The following DTNA variants were observed in gnomAD, a reference collection of about 807,000 sequenced individuals.
The protein encoded by DTNA is dystrobrevin alpha, also known as dystrophin-related protein 3.
In DTNA, 43 loss-of-function variants were observed where a neutral mutation model predicts 100.7. That is an observed-to-expected ratio of 0.43 (90% CI 0.33 to 0.55). DTNA has a LOEUF of 0.55. Among genes scored for constraint, DTNA ranks in the 20% least tolerant of loss-of-function variants. The probability of loss-of-function intolerance (pLI) is 0.04; values close to 1 mark genes in which losing one functional copy is unlikely to be tolerated. For synonymous variants in DTNA, 349 were observed against 347.9 expected (o/e 1.00, Z -0.04); for missense variants, 798 against 953.9 (o/e 0.84, Z 2.15).
At chr18:34,517,460 C>CATGTGTGTGTGTGTGTGTGTGTGT (rs57616989) in intron 1 of DTNA, among the ~76,000 whole-genome samples, 6 of 148,884 alleles carry the variant, frequency 4.0e-5, no homozygotes, top group Admixed American at 3.4e-4. Flanking sequence ...TTTATATACA[C>CATGTGTGTGTGTGTGTGTGTGTGT]GTGTGTGTGT....
At chr18:34,624,653 C>T (rs1568051332) in intron 1 of DTNA, among the ~76,000 whole-genome samples, 1 of 152,124 alleles carries the variant, frequency 6.6e-6, no homozygotes, top group Non-Finnish European at 1.5e-5. Context: ...ACTTAATTAG[C>T]AAGTGCTGTT....
At chr18:34,821,356 TGTTTTTCA>T (rs1428637687) in intron 9 of DTNA, 9 of 424,010 alleles carry the variant, frequency 2.1e-5, no homozygotes, top group African/African-American at 1.8e-4. Context: ...AAATTACTTT[TGTTTTTCA>T]TCCCAAGCTG....
chr18:34,670,732 C>T (rs1247198862), intron 1 of DTNA, among the ~76,000 whole-genome samples: 2 of 152,202 alleles, frequency 1.3e-5, no homozygotes, highest in Non-Finnish European at 2.9e-5. Flanking sequence ...GGCTGCAGAA[C>T]AGCGGATATT....
At chr18:34,816,874 A>C (rs554284247) in intron 7 of DTNA, among the ~76,000 whole-genome samples, 1 of 152,318 alleles carries the variant, frequency 6.6e-6, no homozygotes, top group African/African-American at 2.4e-5. Flanking sequence ...GTTAGTTAGA[A>C]GTTATGAATT....
intron 1 of DTNA, among the ~76,000 whole-genome samples, chr18:34,752,060 C>A (rs1240190173): frequency 6.6e-6 from 1 of 152,098 alleles, no homozygotes; most frequent in Admixed American, 6.6e-5. Context: ...TTCTTTTCAC[C>A]TTTTTGACAT....
At chr18:34,521,001 C>T (rs566077109) in intron 1 of DTNA, among the ~76,000 whole-genome samples, 1 of 152,298 alleles carries the variant, frequency 6.6e-6, no homozygotes, top group Non-Finnish European at 1.5e-5. Flanking sequence ...AAAGCCATCA[C>T]TTATTGAGCA....
At chr18:34,828,607 T>C (rs995260923) in intron 10 of DTNA, among the ~76,000 whole-genome samples, 3 of 152,152 alleles carry the variant, frequency 2.0e-5, no homozygotes, top group African/African-American at 7.2e-5. Flanking sequence ...AGCTGATTTT[T>C]TTTCCTCTGA....
intron 1 of DTNA, among the ~76,000 whole-genome samples, chr18:34,547,021 A>T (rs2044859021): frequency 6.6e-6 from 1 of 152,026 alleles, no homozygotes; most frequent in African/African-American, 2.4e-5. Context: ...TGTAATTTTC[A>T]TGATTATAAA....
intron 4 of DTNA, among the ~76,000 whole-genome samples, chr18:34,803,390 T>G (rs747344586): frequency 4.0e-5 from 6 of 151,878 alleles, no homozygotes; most frequent in Admixed American, 6.6e-5. Flanking sequence ...ACTGGCAATC[T>G]CCCCATGATC....
chr18:34,615,530 G>A lies in DTNA; in HGVS notation c.-2+122016G>A, dbSNP rs142191554. Among the ~76,000 whole-genome samples the A allele has an allele frequency of 2.6e-5, 4 of 152,318 alleles. No individual in the cohort carries two copies. The East Asian group carries it at 7.7e-4, about 29-fold the overall frequency. On this transcript the variant is annotated intron_variant, in intron 1 of 19. Coordinates refer to the DTNA transcript ENST00000283365. ...AAGAGTATGACTCAGGAAAGGCTTA[G>A]ATGATTGTCGGCATTTTTTGGAGGT...
Position 34,887,977 on chromosome 18 carries a change from T to G in DTNA, c.*243T>G. On this transcript the variant is annotated 3_prime_UTR_variant, in exon 23 of 23. Transcript: ENST00000444659. ...TAACTTTTTGTTCTCAGATTTGTAG[T>G]GCATAGGTGTGTGTTTCAAGAAGGA... 1.0e-6 allele frequency: 1 copy of G among 985,820 alleles called. No homozygotes were observed. Among genetic ancestry groups the G allele is most frequent in the Non-Finnish European group, 1.2e-6 (1 of 829,938 alleles). The allele number at this position is 985,820 out of a possible 1,614,324, so 61.1% of individuals were successfully genotyped here.
chr18:34,548,863 T>C (rs968571232), intron 1 of DTNA, among the ~76,000 whole-genome samples: 8 of 152,224 alleles, frequency 5.3e-5, no homozygotes, highest in Non-Finnish European at 1.2e-4. Context: ...TACTTTACCC[T>C]TGGAGGAGAT....
At chr18:34,722,092 T>G (rs2085466678) in intron 1 of DTNA, among the ~76,000 whole-genome samples, 1 of 152,208 alleles carries the variant, frequency 6.6e-6, no homozygotes, top group Non-Finnish European at 1.5e-5. Context: ...TTATTACCTT[T>G]CTCATTTAAA....
intron 1 of DTNA, among the ~76,000 whole-genome samples, chr18:34,638,950 C>T (rs1490807592): frequency 6.6e-6 from 1 of 152,016 alleles, no homozygotes; most frequent in East Asian, 1.9e-4. Flanking sequence ...CAAGTGATTC[C>T]CCAGCCTCAG....
At chr18:34,570,029 C>T (rs577842261) in intron 1 of DTNA, among the ~76,000 whole-genome samples, 5 of 152,312 alleles carry the variant, frequency 3.3e-5, no homozygotes, top group African/African-American at 1.2e-4. Context: ...AGGCTAACTC[C>T]TTGTTCTTCA....
At chr18:34,703,985 T>C (rs1221108035) in intron 1 of DTNA, among the ~76,000 whole-genome samples, 1 of 152,198 alleles carries the variant, frequency 6.6e-6, no homozygotes, top group African/African-American at 2.4e-5. Flanking sequence ...CTTATATCCT[T>C]TTCAAACTGT....
chr18:34,861,254 G>A (rs1482331206), intron 16 of DTNA, among the ~76,000 whole-genome samples: 1 of 151,998 alleles, frequency 6.6e-6, no homozygotes, highest in Non-Finnish European at 1.5e-5. Flanking sequence ...AGGAGTGCGA[G>A]GCGGGCGGAT....
chr18:34,505,650 T>C (rs1215303542), intron 1 of DTNA, among the ~76,000 whole-genome samples: 4 of 152,182 alleles, frequency 2.6e-5, no homozygotes, highest in African/African-American at 7.2e-5. Context: ...ATATTTTGGG[T>C]ATTTTTTTCA....
intron 3 of DTNA, among the ~76,000 whole-genome samples, chr18:34,785,140 C>T (rs2148877280): frequency 6.6e-6 from 1 of 152,150 alleles, no homozygotes; most frequent in South Asian, 2.1e-4. Context: ...GTCTCAATCT[C>T]CTGACCTCAT....
Sources: allele counts gnomAD v4.1 joint callset (sites outside exome capture counted in the v4.1 genomes callset), GRCh38; gene constraint gnomAD v4.1.1; transcripts MANE v1.5; gene names NCBI Gene and HGNC (gene_info 2026-07-23, HGNC 2026-07-21).